The following RORA variants were observed in gnomAD, a reference collection of about 807,000 sequenced individuals.
RORA encodes RAR related orphan receptor A, also known as nuclear receptor ROR-alpha.
In RORA, 7 loss-of-function variants were observed where a neutral mutation model predicts 69.5. The ratio of observed to expected loss-of-function variants is 0.10; its 90% confidence interval spans 0.06 to 0.19. The LOEUF (loss-of-function observed/expected upper bound fraction) is 0.19. Among genes scored for constraint, RORA ranks in the 10% least tolerant of loss-of-function variants. RORA has a pLI of 1.00. For synonymous variants in RORA, 261 were observed against 240.8 expected, an observed-to-expected ratio of 1.08 and a Z score of -0.78; for missense variants, 457 against 663.0, an observed-to-expected ratio of 0.69 and a Z score of 3.41.
At chr15:60,626,229 G>A (rs1276036864) in intron 2 of RORA, among the ~76,000 whole-genome samples, 1 of 152,190 alleles carries the variant, frequency 6.6e-6, no homozygotes, top group Non-Finnish European at 1.5e-5. Flanking sequence ...ACCAGTCACT[G>A]TCAAACAGCT....
At chr15:60,512,949 T>G (rs987146209) in intron 4 of RORA, among the ~76,000 whole-genome samples, 3 of 152,240 alleles carry the variant, frequency 2.0e-5, no homozygotes, top group African/African-American at 7.2e-5. Flanking sequence ...AGGGACTTAG[T>G]TCTCCTAATT....
At chr15:61,164,722 G>T (rs146829621) in intron 1 of RORA, among the ~76,000 whole-genome samples, 1 of 151,990 alleles carries the variant, frequency 6.6e-6, no homozygotes, top group African/African-American at 2.4e-5. Flanking sequence ...ACTATGTTCT[G>T]TACCAGATCT....
chr15:60,516,221 ATTTATATATATATT>A (rs2065944995), intron 3 of RORA, among the ~76,000 whole-genome samples: 1 of 7,684 alleles, frequency 1.3e-4, no homozygotes, highest in African/African-American at 2.8e-4. Context: ...ATATATATAT[ATTTATATATATATT>A]TATATATATA....
At chr15:60,989,865 A>C (rs1894319207) in intron 1 of RORA, among the ~76,000 whole-genome samples, 1 of 152,206 alleles carries the variant, frequency 6.6e-6, no homozygotes, top group South Asian at 2.1e-4. Flanking sequence ...ATTGGAATCT[A>C]GTCCAGACCA....
At chr15:60,554,818 A>G (rs921878739) in intron 2 of RORA, among the ~76,000 whole-genome samples, 3 of 152,188 alleles carry the variant, frequency 2.0e-5, no homozygotes, top group Non-Finnish European at 4.4e-5. Context: ...CAAAGAGAAG[A>G]GAGAAGAGCC....
At chr15:60,564,431 C>A (rs929466080) in intron 2 of RORA, among the ~76,000 whole-genome samples, 1 of 152,152 alleles carries the variant, frequency 6.6e-6, no homozygotes, top group East Asian at 1.9e-4. Flanking sequence ...TCTTTTGGAA[C>A]CATTTTTTAC....
At chr15:61,033,004 C>T (rs888711117) in intron 1 of RORA, among the ~76,000 whole-genome samples, 1 of 152,168 alleles carries the variant, frequency 6.6e-6, no homozygotes, top group Non-Finnish European at 1.5e-5. Flanking sequence ...AACAACTCTG[C>T]GAGGTAGGCA....
chr15:60,723,171 G>A (rs1351278810), intron 1 of RORA, among the ~76,000 whole-genome samples: 1 of 152,032 alleles, frequency 6.6e-6, no homozygotes, highest in Non-Finnish European at 1.5e-5. Flanking sequence ...ATCCAAGAAA[G>A]ATATTGTCAA....
chr15:60,763,233 A>G (rs12437690), intron 1 of RORA, among the ~76,000 whole-genome samples: 85,590 of 151,632 alleles, frequency 0.56, 24,406 homozygotes, highest in South Asian at 0.65. Context: ...GACAGCAAGC[A>G]TCATCTTGCC....
chr15:61,092,223 G>A (rs1373010859), intron 1 of RORA, among the ~76,000 whole-genome samples: 2 of 152,160 alleles, frequency 1.3e-5, no homozygotes, highest in Admixed American at 6.5e-5. Context: ...AAGAAATAAC[G>A]AAGGGTGCTG....
intron 1 of RORA, among the ~76,000 whole-genome samples, chr15:60,988,975 G>A: frequency 6.6e-6 from 1 of 152,156 alleles, no homozygotes; most frequent in East Asian, 1.9e-4. Flanking sequence ...AAAGAAAAGG[G>A]TATTTTTTGA....
intron 1 of RORA, among the ~76,000 whole-genome samples, chr15:60,918,754 G>T (rs1196649031): frequency 6.6e-6 from 1 of 152,152 alleles, no homozygotes; most frequent in Admixed American, 6.5e-5. Context: ...TGTCTGGGGT[G>T]CCTTGGTGAC....
intron 1 of RORA, among the ~76,000 whole-genome samples, chr15:60,720,689 A>G (rs2140823616): frequency 6.6e-6 from 1 of 152,254 alleles, no homozygotes; most frequent in Middle Eastern, 3.4e-3. Context: ...AATTTCTCGA[A>G]TCGATCCTGG....
In RORA at chr15:61,008,963, C is replaced by T. The variant is rs185852024; in HGVS notation, c.166+220090G>A. Among the ~76,000 whole-genome samples the T allele has an allele frequency of 1.2e-4, 19 of 152,186 alleles. 1 individual carries two copies. Among genetic ancestry groups the T allele is most frequent in the Admixed American group, 1.2e-3 (18 of 15,286 alleles). On this transcript the variant is annotated intron_variant, in intron 1 of 10. Coordinates refer to ENST00000335670, the MANE Select transcript of RORA (RefSeq NM_134261.3). ...GGGCATAGAAAGGGTCAGGTCCAGCCACTTACCACCTCTGATAGGATAAAC... is the reference window on the plus strand; with the variant it reads ...GGGCATAGAAAGGGTCAGGTCCAGCTACTTACCACCTCTGATAGGATAAAC...
intron 1 of RORA, among the ~76,000 whole-genome samples, chr15:60,869,917 T>C (rs1245587212): frequency 6.6e-6 from 1 of 152,198 alleles, no homozygotes; most frequent in African/African-American, 2.4e-5. Context: ...CTAGGATACA[T>C]TGCACCACTC....
chr15:60,651,816 T>C (rs745622332), intron 2 of RORA, among the ~76,000 whole-genome samples: 1 of 152,168 alleles, frequency 6.6e-6, no homozygotes, highest in Non-Finnish European at 1.5e-5. Context: ...AGAGATAAAT[T>C]TACAATCCAC....
chr15:60,894,368 C>A (rs186853474), intron 1 of RORA, among the ~76,000 whole-genome samples: 2 of 152,262 alleles, frequency 1.3e-5, no homozygotes, highest in African/African-American at 4.8e-5. Context: ...CACACCCTAA[C>A]GACAATCCTG....
In RORA at chr15:61,085,841, C is replaced by A. The variant is rs542911931; in HGVS notation, c.166+143212G>T. On this transcript the variant is annotated intron_variant, in intron 1 of 10. Transcript: ENST00000335670. ...CATAGATATGGAGTGAGGAGAACTACTGGCTTAACTTTAAGTTGCCAACAG... is the reference window on the plus strand; with the variant it reads ...CATAGATATGGAGTGAGGAGAACTAATGGCTTAACTTTAAGTTGCCAACAG... 3.3e-3 allele frequency among the ~76,000 whole-genome samples: 506 copies of A among 152,374 alleles called. 2 individuals carry two copies. Among genetic ancestry groups the A allele is most frequent in the Non-Finnish European group, 5.5e-3 (374 of 68,046 alleles).
intron 1 of RORA, among the ~76,000 whole-genome samples, chr15:60,979,471 C>T (rs1161040821): frequency 6.6e-6 from 1 of 151,978 alleles, no homozygotes; most frequent in African/African-American, 2.4e-5. Context: ...AATATTAAGT[C>T]TTCCAATCCA....
Sources: gnomAD v4.1 joint callset for allele counts (sites outside exome capture counted in the v4.1 genomes callset) on GRCh38, gnomAD v4.1.1 for gene constraint, MANE v1.5 for transcripts, NCBI Gene and HGNC (gene_info 2026-07-23, HGNC 2026-07-21) for gene names.